WWOX: variants seen among roughly 807,000 people sequenced by gnomAD.
WWOX encodes WW domain-containing oxidoreductase.
WWOX carries 69 observed loss-of-function variants against 46.2 expected under a neutral mutation model. The observed-to-expected ratio is 1.49, with a 90% CI of 1.23 to 1.82. The LOEUF is 1.82. Ranked by LOEUF, WWOX falls within the 40% of genes most tolerant of loss-of-function variation. The pLI is 0.00. For missense variants in WWOX, 919 were observed against 542.6 expected (o/e 1.69, Z -6.89); for synonymous variants, 359 against 202.6 (o/e 1.77, Z -6.56).
At chr16:78,785,476 C>T (rs188258341) in intron 8 of WWOX, among the ~76,000 whole-genome samples, 1 of 152,302 alleles carries the variant, frequency 6.6e-6, no homozygotes, top group Admixed American at 6.5e-5. Flanking sequence ...AACAAACAAA[C>T]ACATTGTGCA....
intron 4 of WWOX, among the ~76,000 whole-genome samples, chr16:78,147,508 A>G (rs778250008): frequency 1.3e-5 from 2 of 152,198 alleles, no homozygotes; most frequent in African/African-American, 2.4e-5. Context: ...TTTAAAAGTG[A>G]GCCTCAAAAA....
At chr16:79,096,941 G>A (rs2049086964) in intron 8 of WWOX, among the ~76,000 whole-genome samples, 1 of 152,108 alleles carries the variant, frequency 6.6e-6, no homozygotes, top group African/African-American at 2.4e-5. Flanking sequence ...ACATCTGTGG[G>A]CATATTGGGG....
chr16:78,727,565 C>A lies in WWOX; in HGVS notation c.1056+294813C>A, dbSNP rs1048087578. On this transcript the variant is annotated intron_variant, in intron 8 of 8. Coordinates refer to ENST00000566780, the MANE Select transcript of WWOX (RefSeq NM_016373.4). ...GGACACAAGGTCTGGGTCCTGAGTT[C>A]CAGTCCGTGGGGGCCCTGGTGCTAC... Among the ~76,000 whole-genome samples, 7 of 152,316 alleles carry A rather than the reference C, an allele frequency of 4.6e-5. No individual in the cohort carries two copies. The South Asian group carries it at 1.5e-3, about 32-fold the overall frequency.
chr16:78,587,184 C>T lies in WWOX; in HGVS notation c.1056+154432C>T, dbSNP rs2045228354. On this transcript the variant is annotated intron_variant, in intron 8 of 8. Coordinates refer to ENST00000566780, the MANE Select transcript of WWOX (RefSeq NM_016373.4). ...GGAACCACAAGCAGATGCCACCATG[C>T]CTGGCTAACTTTTTTTTTTTTTTTT... Among the ~76,000 whole-genome samples, 3 of 140,198 alleles carry T rather than the reference C, an allele frequency of 2.1e-5. 1 individual carries two copies. The South Asian group carries it at 6.7e-4, about 31-fold the overall frequency. The allele number at this position is 140,198 out of a possible 152,430, so 92.0% of individuals were successfully genotyped here.
intron 8 of WWOX, among the ~76,000 whole-genome samples, chr16:78,517,995 C>G (rs1399481363): frequency 6.7e-6 from 1 of 150,104 alleles, no homozygotes; most frequent in Non-Finnish European, 1.5e-5. Context: ...AGAGAAGTAA[C>G]AGTCCTTGGT....
chr16:78,215,116 T>C lies in WWOX; in HGVS notation c.516+50827T>C, dbSNP rs145372621. 1.8e-4 allele frequency among the ~76,000 whole-genome samples: 28 copies of C among 152,284 alleles called. 1 individual carries two copies. In the East Asian group the frequency reaches 5.4e-3, roughly 29 times the overall value. On this transcript the variant is annotated intron_variant, in intron 5 of 8. Coordinates refer to ENST00000566780, the MANE Select transcript of WWOX (RefSeq NM_016373.4). ...TTAGAGGATGGAAGATTGCATGATA[T>C]TTCTGGCTTTGCTCTTTGACTGTGT...
At chr16:79,112,302 C>T (rs149876382) in intron 8 of WWOX, among the ~76,000 whole-genome samples, 1 of 152,172 alleles carries the variant, frequency 6.6e-6, no homozygotes, top group Non-Finnish European at 1.5e-5. Flanking sequence ...ACATGAGGCA[C>T]TCAGATGTCA....
chr16:78,120,067 A>T (rs541119625), intron 4 of WWOX, among the ~76,000 whole-genome samples: 28 of 152,268 alleles, frequency 1.8e-4, no homozygotes, highest in African/African-American at 6.7e-4. Context: ...AGCTGGCCAC[A>T]CTGGTAAATA....
intron 8 of WWOX, among the ~76,000 whole-genome samples, chr16:78,710,269 T>C (rs1597475300): frequency 6.6e-6 from 1 of 151,410 alleles, no homozygotes; most frequent in Admixed American, 6.6e-5. Context: ...GTCATTACTT[T>C]CCACACACAG....
intron 8 of WWOX, among the ~76,000 whole-genome samples, chr16:78,543,980 A>C (rs566402287): frequency 1.3e-5 from 2 of 152,184 alleles, no homozygotes; most frequent in Admixed American, 6.5e-5. Context: ...ACTGTGATTA[A>C]AGAGAATTTG....
chr16:78,498,189 A>G (rs1216077687), intron 8 of WWOX, among the ~76,000 whole-genome samples: 1 of 115,270 alleles, frequency 8.7e-6, no homozygotes, highest in Non-Finnish European at 1.8e-5. Context: ...TGGGCAACAG[A>G]GCAAGACTCC....
intron 8 of WWOX, among the ~76,000 whole-genome samples, chr16:78,702,124 T>TATATATATATATATATATATATA (rs777394763): frequency 2.3e-4 from 24 of 105,518 alleles, no homozygotes; most frequent in African/African-American, 1.1e-3. Flanking sequence ...ATATATATAT[T>TATATATATATATATATATATATA]TATTTATTTT....
intron 5 of WWOX, among the ~76,000 whole-genome samples, chr16:78,381,510 G>A (rs970291497): frequency 6.6e-6 from 1 of 152,106 alleles, no homozygotes; most frequent in Non-Finnish European, 1.5e-5. Flanking sequence ...GTTGCCTGAT[G>A]CTTCACATGT....
intron 8 of WWOX, among the ~76,000 whole-genome samples, chr16:79,148,818 C>G (rs2050226118): frequency 1.4e-5 from 2 of 140,058 alleles, no homozygotes; most frequent in African/African-American, 6.3e-5. Context: ...ATTCCAACTT[C>G]TACATATATC....
intron 5 of WWOX, among the ~76,000 whole-genome samples, chr16:78,193,051 C>T (rs376355538): frequency 5.9e-5 from 9 of 152,208 alleles, no homozygotes; most frequent in East Asian, 1.9e-4. Context: ...CTTCTCACAG[C>T]GTCTCCTTGC....
At chr16:78,352,866 A>G (rs1437603699) in intron 5 of WWOX, among the ~76,000 whole-genome samples, 1 of 152,174 alleles carries the variant, frequency 6.6e-6, no homozygotes, top group African/African-American at 2.4e-5. Flanking sequence ...GGTTGATTGA[A>G]TATTGGCTGT....
At chr16:79,033,569 C>T (rs1338238396) in intron 8 of WWOX, among the ~76,000 whole-genome samples, 1 of 152,074 alleles carries the variant, frequency 6.6e-6, no homozygotes, top group Non-Finnish European at 1.5e-5. Flanking sequence ...ACCCCTTTAT[C>T]AACATCATGT....
At chr16:78,552,405 G>A (rs1000148050) in intron 8 of WWOX, 1 of 152,198 alleles carries the variant, frequency 6.6e-6, no homozygotes, top group African/African-American at 2.4e-5. Flanking sequence ...AAAGGGAATA[G>A]CGTGATGCTA....
intron 8 of WWOX, among the ~76,000 whole-genome samples, chr16:79,011,135 C>CACACA (rs2047296709): frequency 1.4e-4 from 20 of 146,316 alleles, no homozygotes; most frequent in Admixed American, 8.8e-4. Flanking sequence ...ACTCACACAT[C>CACACA]CACACACACA....
Sources: gnomAD v4.1 joint callset for allele counts (sites outside exome capture counted in the v4.1 genomes callset) on GRCh38, gnomAD v4.1.1 for gene constraint, MANE v1.5 for transcripts, NCBI Gene and HGNC (gene_info 2026-07-23, HGNC 2026-07-21) for gene names.